POC1B: variants seen among roughly 807,000 people sequenced by gnomAD.
The protein encoded by POC1B is POC1 centriolar protein homolog B.
POC1B carries 44 observed loss-of-function variants against 60.6 expected under a neutral mutation model. That is an observed-to-expected ratio of 0.73 (90% CI 0.57 to 0.93). The LOEUF (loss-of-function observed/expected upper bound fraction) is 0.93, where lower values mean the gene tolerates loss of function less well. Ranked by LOEUF, POC1B falls within the 40% of genes least tolerant of loss-of-function variation. POC1B has a pLI of 0.00. For missense variants in POC1B, 555 were observed against 572.3 expected (o/e 0.97, Z 0.31); for synonymous variants, 180 against 198.9 (o/e 0.90, Z 0.80).
In POC1B at chr12:89,435,867, A is replaced by G. The variant is rs550201365; in HGVS notation, c.1114-10488T>C. Among the ~76,000 whole-genome samples the G allele has an allele frequency of 3.3e-5, 5 of 152,228 alleles. No homozygotes were observed. In the South Asian group the frequency reaches 1.0e-3, roughly 32 times the overall value. ...GAATGATGAAGAATTATGATAATAT[A>G]TCTTTTCTCAAACACGCATATGCAT... On this transcript the variant is annotated intron_variant, in intron 10 of 11. Transcript: ENST00000313546.
intron 2 of POC1B, chr12:89,522,321 A>G (rs930989870): frequency 5.0e-6 from 2 of 396,840 alleles, no homozygotes; most frequent in Admixed American, 4.4e-5. Context: ...GAAAAAAATT[A>G]GATTAAAAAA....
At chr12:89,410,954 C>T in the POC1B span, among the ~76,000 whole-genome samples, 1 of 152,182 alleles carries the variant, frequency 6.6e-6, no homozygotes, top group African/African-American at 2.4e-5. Context: ...GCAAAAATCA[C>T]AAGCATTCCT....
chr12:89,415,507 G>A (rs1279865899), downstream of POC1B, among the ~76,000 whole-genome samples: 1 of 152,062 alleles, frequency 6.6e-6, no homozygotes, highest in Non-Finnish European at 1.5e-5. Flanking sequence ...GCCGGGCGTG[G>A]TAGCGGGTGC....
At chr12:89,525,023 T>C (rs1871310079) in intron 2 of POC1B, 97 bp downstream of exon 2, 1 of 1,543,622 alleles carries the variant, frequency 6.5e-7, no homozygotes, top group Admixed American at 1.9e-5. Flanking sequence ...TACAGGCCCT[T>C]AGCCGTTCTC....
At chr12:89,413,634 T>C in the POC1B span, among the ~76,000 whole-genome samples, 5 of 152,234 alleles carry the variant, frequency 3.3e-5, no homozygotes, top group Admixed American at 6.5e-5. Context: ...TTTTATGATA[T>C]ACTTTCTGCA....
chr12:89,497,842 A>G (rs892564087), intron 2 of POC1B, among the ~76,000 whole-genome samples: 4 of 152,346 alleles, frequency 2.6e-5, no homozygotes, highest in Admixed American at 2.0e-4. Context: ...CCTTTTACCC[A>G]AATCTACTTG....
In POC1B at chr12:89,525,115, CTTACCAAGTTGCTTGCCGT is replaced by C; in HGVS notation, c.86_100+4del. ...TTACAAAAGCAAAACAAGAATAAGA[CTTACCAAGTTGCTTGCCGT>C]TGGGGCTGAGGTCCAAGGAGGTGAT... On this transcript the variant is annotated splice_donor_variant and splice_donor_region_variant and coding_sequence_variant and intron_variant, in exon 2 of 12. Coordinates refer to ENST00000313546, the MANE Select transcript of POC1B (RefSeq NM_172240.3). LOFTEE classifies it high-confidence loss of function. 6.2e-7 allele frequency: 1 copy of C among 1,614,052 alleles called. No homozygotes were observed. Among genetic ancestry groups the C allele is most frequent in the African/African-American group, 1.3e-5 (1 of 75,060 alleles).
intron 10 of POC1B, among the ~76,000 whole-genome samples, chr12:89,453,586 A>C (rs1882141509): frequency 1.3e-5 from 2 of 152,224 alleles, no homozygotes; most frequent in Non-Finnish European, 2.9e-5. Context: ...CCCTAAACTG[A>C]CAAATCAAAT....
At chr12:89,525,067 C>G in intron 2 of POC1B, 53 bp downstream of exon 2, 1 of 1,610,836 alleles carries the variant, frequency 6.2e-7, no homozygotes, top group South Asian at 1.1e-5. Context: ...GGAAAGGTTT[C>G]CGGCCCATGG....
At position 89,425,184 on chromosome 12, in the gene POC1B, C is replaced by A; in HGVS notation, c.1309G>T (p.Glu437Ter). Residue 437 changes from glutamate to a stop codon, truncating the protein, a stop_gained, in exon 11 of 12, where the codon GAA (glutamate) becomes TAA (stop). Coordinates refer to ENST00000313546, the MANE Select transcript of POC1B (RefSeq NM_172240.3). LOFTEE classifies it high-confidence loss of function. ...AVTDALEHIMEQLNVLTQTVS... is the reference protein window; with the variant it reads ...AVTDALEHIM ...ACCTGTGTCAAAACATTGAGTTGTT[C>A]CATAATATGCTCTAAAGCATCAGTC... The A allele has an allele frequency of 6.2e-7, 1 of 1,614,122 alleles. No individual in the cohort carries two copies. Among genetic ancestry groups the A allele is most frequent in the Non-Finnish European group, 8.5e-7 (1 of 1,179,996 alleles).
intron 11 of POC1B, 77 bp from the exon 12 acceptor site, chr12:89,421,334 A>T: frequency 8.1e-7 from 1 of 1,239,940 alleles, no homozygotes. Flanking sequence ...CTGCATAGGA[A>T]ATCCTTTTAA....
intron 2 of POC1B, chr12:89,524,198 C>T: frequency 6.2e-7 from 1 of 1,613,972 alleles, no homozygotes; most frequent in African/African-American, 1.3e-5. Flanking sequence ...ATTCTTTTAT[C>T]CTCTATGTGT....
Position 89,476,697 on chromosome 12 carries a change from AATAGATAGATAGATAGATAG to A in POC1B, c.453-4442_453-4423del, listed in dbSNP as rs754459068. Among the ~76,000 whole-genome samples the A allele has an allele frequency of 5.2e-3, 723 of 139,988 alleles. 2 individuals are homozygous for A. Among genetic ancestry groups the A allele is most frequent in the Non-Finnish European group, 6.0e-3 (391 of 65,466 alleles). The allele number at this position is 139,988 out of a possible 152,430, so 91.8% of individuals were successfully genotyped here. ...CTGGGTGACAAAGTGAGACTGTCTC[AATAGATAGATAGATAGATAG>A]ATAGATAGATAGATAGATAGATAGA... On this transcript the variant is annotated intron_variant, in intron 4 of 11. Transcript: ENST00000313546.
intron 10 of POC1B, among the ~76,000 whole-genome samples, chr12:89,456,163 A>G (rs10858866): frequency 0.76 from 114,570 of 151,736 alleles, 43,337 homozygotes; most frequent in Middle Eastern, 0.82. Context: ...TGGAATTATA[A>G]GCGCACACCA....
At chr12:89,402,808 T>C in the POC1B span, among the ~76,000 whole-genome samples, 1 of 152,130 alleles carries the variant, frequency 6.6e-6, no homozygotes, top group Non-Finnish European at 1.5e-5. Context: ...GGCACAATCT[T>C]GGCTCACTGC....
chr12:89,504,610 AAAAG>A (rs1398767229), intron 2 of POC1B, among the ~76,000 whole-genome samples: 9 of 152,170 alleles, frequency 5.9e-5, no homozygotes, highest in African/African-American at 1.4e-4. Flanking sequence ...ATAAAAAAAA[AAAAG>A]AAAGAAAAAA....
intron 1 of POC1B, chr12:89,525,467 C>G (rs1207747592): frequency 6.0e-6 from 8 of 1,338,792 alleles, no homozygotes; most frequent in Non-Finnish European, 6.7e-6. Context: ...TCGCAGGAAC[C>G]GCGGCCCCTT....
chr12:89,439,847 C>A (rs1881435478), intron 10 of POC1B, among the ~76,000 whole-genome samples: 1 of 152,286 alleles, frequency 6.6e-6, no homozygotes, highest in South Asian at 2.1e-4. Context: ...TCAGGTGATT[C>A]ACCTGCCTCA....
chr12:89,478,308 G>A (rs909443525), intron 4 of POC1B, among the ~76,000 whole-genome samples: 6 of 152,118 alleles, frequency 3.9e-5, no homozygotes, highest in African/African-American at 7.2e-5. Context: ...TAGTAGAGAT[G>A]GGGTTTCGCC....
Sources: gnomAD v4.1 joint callset for allele counts (sites outside exome capture counted in the v4.1 genomes callset) on GRCh38, gnomAD v4.1.1 for gene constraint, MANE v1.5 for transcripts, NCBI Gene and HGNC (gene_info 2026-07-23, HGNC 2026-07-21) for gene names.